SUFU: variants seen among roughly 807,000 people sequenced by gnomAD.
SUFU encodes the protein suppressor of fused homolog.
In SUFU, 7 loss-of-function variants were observed where a neutral mutation model predicts 58.9. That is an observed-to-expected ratio of 0.12 (90% confidence interval 0.07 to 0.22). The LOEUF (loss-of-function observed/expected upper bound fraction) is 0.22, where lower values mean the gene tolerates loss of function less well. Among genes scored for constraint, SUFU ranks in the 10% least tolerant of loss-of-function variants. SUFU has a pLI of 1.00. For missense variants in SUFU, 451 were observed against 641.3 expected (o/e 0.70, Z 3.20); for synonymous variants, 232 against 254.8 (o/e 0.91, Z 0.85).
intron 3 of SUFU, among the ~76,000 whole-genome samples, chr10:102,583,467 C>A (rs1398080416): frequency 6.6e-6 from 1 of 152,200 alleles, no homozygotes. Context: ...CCTTTTCTTG[C>A]CTTAGAGTCT....
intron 8 of SUFU, among the ~76,000 whole-genome samples, chr10:102,610,358 A>G (rs1409939192): frequency 7.4e-6 from 1 of 135,910 alleles, no homozygotes; most frequent in Non-Finnish European, 1.5e-5. Context: ...ACACCATTGC[A>G]CTCCAGCCTG....
chr10:102,531,942 CT>C (rs2062682089), intron 2 of SUFU, among the ~76,000 whole-genome samples: 1 of 149,118 alleles, frequency 6.7e-6, no homozygotes, highest in Non-Finnish European at 1.5e-5. Flanking sequence ...CTCCCTTCTG[CT>C]GATTTCCTGT....
At chr10:102,527,792 T>C (rs1157512917) in intron 2 of SUFU, among the ~76,000 whole-genome samples, 1 of 152,178 alleles carries the variant, frequency 6.6e-6, no homozygotes, top group East Asian at 1.9e-4. Flanking sequence ...TTGCCCTGTT[T>C]AGGTTTCTTG....
chr10:102,553,464 ATTT>A (rs150900167), intron 3 of SUFU, among the ~76,000 whole-genome samples: 3 of 142,590 alleles, frequency 2.1e-5, no homozygotes, highest in Admixed American at 7.1e-5. Flanking sequence ...ACAAAGGCAA[ATTT>A]TTTTTTTTTT....
intron 8 of SUFU, among the ~76,000 whole-genome samples, chr10:102,605,451 G>A (rs1329694024): frequency 3.9e-5 from 6 of 152,262 alleles, no homozygotes; most frequent in African/African-American, 1.4e-4. Context: ...AGGCTGCAGT[G>A]AACCGTGATC....
chr10:102,570,113 C>T (rs1008193224), intron 3 of SUFU, among the ~76,000 whole-genome samples: 3 of 152,126 alleles, frequency 2.0e-5, no homozygotes, highest in African/African-American at 7.2e-5. Flanking sequence ...AGTAAACTCA[C>T]CATCCCTGAA....
intron 1 of SUFU, among the ~76,000 whole-genome samples, chr10:102,506,748 C>T (rs2062332362): frequency 6.6e-6 from 1 of 152,190 alleles, no homozygotes; most frequent in African/African-American, 2.4e-5. Flanking sequence ...CATTTATATT[C>T]CTCACATTTG....
In SUFU at chr10:102,630,058, C is replaced by T. The variant is rs1212706214; in HGVS notation, c.1366-8C>T. ...CACACTCCTGGTCTGTGCTTGCTCC[C>T]TCCACAGTTCAAACTTCCCAAAGAG... On this transcript the variant is annotated splice_region_variant and splice_polypyrimidine_tract_variant and intron_variant, in intron 11 of 11. Coordinates refer to ENST00000369902, the MANE Select transcript of SUFU (RefSeq NM_016169.4). 2.5e-6 allele frequency: 4 copies of T among 1,613,728 alleles called. No homozygotes were observed. The African/African-American group carries it at 5.3e-5, about 22-fold the overall frequency.
At chr10:102,549,369 A>G (rs552472112) in intron 2 of SUFU, among the ~76,000 whole-genome samples, 4 of 152,348 alleles carry the variant, frequency 2.6e-5, no homozygotes, top group South Asian at 2.1e-4. Context: ...AAACTGCCCT[A>G]TAAACCCATC....
chr10:102,591,758 G>GCACCCA (rs1334627023), intron 3 of SUFU: 1 of 152,208 alleles, frequency 6.6e-6, no homozygotes, highest in Non-Finnish European at 1.5e-5. Flanking sequence ...GAGCACCTTG[G>GCACCCA]CACCCACGAT....
chr10:102,623,929 G>A (rs998690575), intron 10 of SUFU, among the ~76,000 whole-genome samples: 1 of 152,130 alleles, frequency 6.6e-6, no homozygotes, highest in Non-Finnish European at 1.5e-5. Flanking sequence ...GATAGGGCAA[G>A]AGATTCCATC....
At chr10:102,510,554 G>C (rs1283319056) in intron 2 of SUFU, among the ~76,000 whole-genome samples, 1 of 151,466 alleles carries the variant, frequency 6.6e-6, no homozygotes, top group Non-Finnish European at 1.5e-5. Flanking sequence ...GGGCACAGTG[G>C]CTCATGCCTG....
At chr10:102,533,035 A>G (rs1231707770) in intron 2 of SUFU, among the ~76,000 whole-genome samples, 1 of 152,090 alleles carries the variant, frequency 6.6e-6, no homozygotes, top group African/African-American at 2.4e-5. Flanking sequence ...AGAGAAGAGG[A>G]CAGATTGAGG....
In SUFU at chr10:102,594,189, C is replaced by T. The variant is rs2063436660; in HGVS notation, c.756+124C>T. 4 of 961,400 alleles carry T rather than the reference C, an allele frequency of 4.2e-6. No homozygotes were observed. In the Admixed American group the frequency reaches 7.8e-5, roughly 19 times the overall value. The allele number at this position is 961,400 out of a possible 1,614,324, so 59.6% of individuals were successfully genotyped here. ...GTGAGTGAGTAGAAATATGGCATCA[C>T]TTGGAACTTGTCCCCTGAATTCTGC... On this transcript the variant is annotated intron_variant, in intron 6 of 11. Coordinates refer to ENST00000369902, the MANE Select transcript of SUFU (RefSeq NM_016169.4).
chr10:102,599,489 G>T lies in SUFU; in HGVS notation c.967G>T (p.Val323Phe). The change falls in exon 8 of 12, where the codon GTC becomes TTC. Residue 323 changes from valine to phenylalanine, a missense_variant. Val to Phe is a conservative substitution (Grantham distance 50). Transcript: ENST00000369902. ...RRGLEINSKP[V>F]LPPINPQRQN... ...AGGACTCGAGATCAACAGCAAACCT[G>T]TCCTTCCACCAATCAACCCTCAGCG... 6.2e-7 allele frequency: 1 copy of T among 1,614,170 alleles called. No homozygotes were observed. The highest frequency in any genetic ancestry group is 8.5e-7 in the Non-Finnish European group (1 of 1,180,034).
At position 102,555,044 on chromosome 10, in the gene SUFU, G is replaced by A. The variant is rs563872666; in HGVS notation, c.454+4938G>A. Reference sequence around the variant, plus strand: ...AGTACTCTGGGAGGCCGAGGCGGGCGAATCACAAGGTCAGGAGATCAAGAC... The same window carrying A: ...AGTACTCTGGGAGGCCGAGGCGGGCAAATCACAAGGTCAGGAGATCAAGAC... On this transcript the variant is annotated intron_variant, in intron 3 of 11. Coordinates refer to ENST00000369902, the MANE Select transcript of SUFU (RefSeq NM_016169.4). Among the ~76,000 whole-genome samples the A allele has an allele frequency of 3.9e-5, 6 of 152,144 alleles. No homozygotes were observed. The South Asian group carries it at 6.2e-4, about 16-fold the overall frequency.
intron 2 of SUFU, among the ~76,000 whole-genome samples, chr10:102,542,647 C>G (rs1423072081): frequency 1.5e-5 from 2 of 133,474 alleles, no homozygotes; most frequent in African/African-American, 5.7e-5. Flanking sequence ...TTTTTTGAGA[C>G]TGAGTCTCCC....
intron 3 of SUFU, among the ~76,000 whole-genome samples, chr10:102,578,979 G>A (rs1371851736): frequency 6.6e-6 from 1 of 152,142 alleles, no homozygotes; most frequent in East Asian, 1.9e-4. Context: ...GTCTTGCTCA[G>A]TTACAAGCTT....
intron 2 of SUFU, among the ~76,000 whole-genome samples, chr10:102,541,336 C>A (rs1309272087): frequency 6.6e-6 from 1 of 152,156 alleles, no homozygotes; most frequent in Non-Finnish European, 1.5e-5. Context: ...TTTATCCTTC[C>A]CACATGGCTT....
Sources: allele counts gnomAD v4.1 joint callset (sites outside exome capture counted in the v4.1 genomes callset), GRCh38; gene constraint gnomAD v4.1.1; transcripts MANE v1.5; gene names NCBI Gene and HGNC (gene_info 2026-07-23, HGNC 2026-07-21).